The following MLXIPL variants were observed in gnomAD, a reference collection of about 807,000 sequenced individuals.
The protein encoded by MLXIPL is carbohydrate-responsive element-binding protein.
Under a neutral mutation model 81.5 loss-of-function variants are expected in MLXIPL, and 49 were observed. The observed-to-expected ratio is 0.60, with a 90% CI of 0.48 to 0.76. The LOEUF is 0.76. Among genes scored for constraint, MLXIPL ranks in the 30% least tolerant of loss-of-function variants. The pLI is 0.00. For synonymous variants in MLXIPL, 466 were observed against 485.5 expected, an observed-to-expected ratio of 0.96 and a Z score of 0.53; for missense variants, 1,053 against 1,167.0, an observed-to-expected ratio of 0.90 and a Z score of 1.42.
chr7:73,631,473 C>T, the MLXIPL span, among the ~76,000 whole-genome samples: 4 of 149,604 alleles, frequency 2.7e-5, no homozygotes, highest in Non-Finnish European at 1.5e-5. Context: ...AAAATAGGCT[C>T]ATCTATGGTG....
intron 2 of MLXIPL, among the ~76,000 whole-genome samples, chr7:73,612,387 T>A (rs566594787): frequency 6.6e-5 from 10 of 151,820 alleles, no homozygotes; most frequent in African/African-American, 2.4e-4. Flanking sequence ...ACGCCTGTAA[T>A]CCCAGCACTT....
At position 73,596,605 on chromosome 7, in the gene MLXIPL, A is replaced by G. The variant is rs782351383; in HGVS notation, c.1822+34T>C. 1.9e-6 allele frequency: 3 copies of G among 1,603,892 alleles called. No individual in the cohort carries two copies. Among genetic ancestry groups the G allele is most frequent in the South Asian group, 1.1e-5 (1 of 89,716 alleles). On this transcript the variant is annotated intron_variant, in intron 11 of 16. Transcript: ENST00000313375. The surrounding 1 kb of genome is among the most constrained non-coding windows in gnomAD (Gnocchi z 4.7). ...CTTCCTCCTCTTCCCCTCATCCCCT[A>G]GATTCCCCCAATCCCTGCAACCCCT... is the stretch of plus-strand genomic sequence containing the variant.
chr7:73,642,293 C>T, the MLXIPL span, among the ~76,000 whole-genome samples: 1 of 152,200 alleles, frequency 6.6e-6, no homozygotes, highest in South Asian at 2.1e-4. Flanking sequence ...TGTTCACAAA[C>T]TCAGAAGCTC....
chr7:73,611,295 T>TAA (rs1795673880), intron 2 of MLXIPL: 1 of 152,048 alleles, frequency 6.6e-6, no homozygotes, highest in African/African-American at 2.4e-5. Context: ...CTGCAGGGAG[T>TAA]AAAAGCAGCT....
chr7:73,622,355 G>C (rs184155023), intron 1 of MLXIPL, among the ~76,000 whole-genome samples: 107 of 152,146 alleles, frequency 7.0e-4, no homozygotes, highest in African/African-American at 2.4e-3. Flanking sequence ...AGCTGGAGGT[G>C]GTGGGCGCCT....
At chr7:73,643,216 A>T in the MLXIPL span, among the ~76,000 whole-genome samples, 1 of 152,198 alleles carries the variant, frequency 6.6e-6, no homozygotes, top group Non-Finnish European at 1.5e-5. Context: ...CAAGGCTCAG[A>T]GACATGTTTA....
At chr7:73,612,968 C>T (rs1554600026) in intron 2 of MLXIPL, among the ~76,000 whole-genome samples, 1 of 152,094 alleles carries the variant, frequency 6.6e-6, no homozygotes, top group East Asian at 1.9e-4. Context: ...GTCCTTCTTG[C>T]CCCAGGAGCG....
intron 7 of MLXIPL, among the ~76,000 whole-genome samples, chr7:73,601,311 C>T (rs1377845855): frequency 2.0e-5 from 3 of 151,896 alleles, no homozygotes; most frequent in Non-Finnish European, 2.9e-5. Flanking sequence ...CATCCTCCTG[C>T]CTCAGCCTCC....
chr7:73,635,760 A>G, the MLXIPL span, among the ~76,000 whole-genome samples: 1 of 152,028 alleles, frequency 6.6e-6, no homozygotes, highest in African/African-American at 2.4e-5. Flanking sequence ...CAGTCCATTC[A>G]TCTACCAATA....
chr7:73,627,477 G>C (rs1185855476), upstream of MLXIPL, among the ~76,000 whole-genome samples: 1 of 152,086 alleles, frequency 6.6e-6, no homozygotes, highest in African/African-American at 2.4e-5. Context: ...TTGAACTCCT[G>C]ACCACAAGTG....
chr7:73,598,505 A>G (rs782072507), intron 8 of MLXIPL, among the ~76,000 whole-genome samples: 1 of 151,952 alleles, frequency 6.6e-6, no homozygotes, highest in African/African-American at 2.4e-5. Context: ...ACCTACCCAT[A>G]TATCCACCAA....
Position 73,605,728 on chromosome 7 carries a change from C to T in MLXIPL, c.861G>A (p.Thr287=), listed in dbSNP as rs377597007. The T allele has an allele frequency of 1.5e-5, 25 of 1,613,602 alleles. No homozygotes were observed. The highest frequency in any genetic ancestry group is 6.7e-5 in the East Asian group (3 of 44,876). Residue 287 remains threonine, a synonymous_variant, in exon 7 of 17, where the codon ACG becomes ACA. Coordinates refer to ENST00000313375, the MANE Select transcript of MLXIPL (RefSeq NM_032951.3). ...GNADMIQPDL[T]PLQPSLDDFM... ...AGTCATCCAGGCTTGGCTGCAGTGG[C>T]GTCAGGTCCGGCTGGATCATGTCAG... is the stretch of plus-strand genomic sequence containing the variant.
At chr7:73,646,793 T>C in the MLXIPL span, among the ~76,000 whole-genome samples, 1 of 152,094 alleles carries the variant, frequency 6.6e-6, no homozygotes, top group Non-Finnish European at 1.5e-5. Flanking sequence ...GGGCAGGACA[T>C]GGGGCAGGGG....
At position 73,624,269 on chromosome 7, in the gene MLXIPL, G is replaced by T; in HGVS notation, c.224C>A (p.Ser75Tyr). The T allele has an allele frequency of 6.3e-7, 1 of 1,592,792 alleles. No homozygotes were observed. Among genetic ancestry groups the T allele is most frequent in the Non-Finnish European group, 8.5e-7 (1 of 1,171,082 alleles). ...GTCGATACTGCGCGGCCCGAAGTCGGAGGGCCCCACGGACCCCTCCTGGTC... is the reference window on the plus strand; with the variant it reads ...GTCGATACTGCGCGGCCCGAAGTCGTAGGGCCCCACGGACCCCTCCTGGTC... ...RRDQEGSVGP[S>Y]DFGPRSIDPT... Residue 75 changes from serine to tyrosine, a missense_variant, in exon 1 of 17, where the codon TCC (serine) becomes TAC (tyrosine). By Grantham distance (144) the Ser-to-Tyr change is moderately radical. This residue lies in a region of MLXIPL where 226 missense variants were observed against 216.2 expected (regional missense o/e 1.05). Transcript: ENST00000313375.
the MLXIPL span, among the ~76,000 whole-genome samples, chr7:73,646,567 CA>C: frequency 1.3e-5 from 2 of 152,158 alleles, no homozygotes; most frequent in African/African-American, 4.8e-5. Context: ...GCTCAGCCAG[CA>C]GACTGTGTCC....
intron 1 of MLXIPL, among the ~76,000 whole-genome samples, chr7:73,621,779 TCCTC>T (rs1796383364): frequency 3.9e-5 from 1 of 25,868 alleles, no homozygotes; most frequent in Non-Finnish European, 7.8e-5. Context: ...CTCTCTCCCT[TCCTC>T]CCTCCCTCCA....
At chr7:73,619,152 T>G (rs1289417365) in intron 1 of MLXIPL, among the ~76,000 whole-genome samples, 2 of 152,036 alleles carry the variant, frequency 1.3e-5, no homozygotes, top group African/African-American at 4.8e-5. Flanking sequence ...AGTGCAACCC[T>G]GTTTCTACAG....
In MLXIPL at chr7:73,593,931, G is replaced by A. The variant is rs781877514; in HGVS notation, c.2493C>T (p.Asp831=). The change falls in exon 17 of 17, where the codon GAC becomes GAT. Residue 831 remains aspartate, a synonymous_variant. Transcript: ENST00000313375. The part of the protein sequence containing the change: ...QLGTSTSILT[D]PGRIPEQATR... ...TGGCTTGCTCAGGGATGCGGCCCGG[G>A]TCGGTCAGGATACTGGTAGATGTGC... is the stretch of plus-strand genomic sequence containing the variant. 3.5e-5 allele frequency: 57 copies of A among 1,614,022 alleles called. No homozygotes were observed. In the Admixed American group the frequency reaches 4.5e-4, roughly 13 times the overall value.
upstream of MLXIPL, among the ~76,000 whole-genome samples, chr7:73,626,303 C>T (rs569192109): frequency 6.6e-6 from 1 of 151,434 alleles, no homozygotes; most frequent in South Asian, 2.1e-4. Flanking sequence ...CCGTGCCCAG[C>T]CTATTTATAT....
Sources: allele counts gnomAD v4.1 joint callset (sites outside exome capture counted in the v4.1 genomes callset), GRCh38; gene constraint gnomAD v4.1.1; regional missense constraint gnomAD v4.1.1; non-coding constraint Gnocchi (gnomAD v3.1); transcripts MANE v1.5; gene names NCBI Gene and HGNC (gene_info 2026-07-23, HGNC 2026-07-21).